PLEKHM1: variants seen among roughly 807,000 people sequenced by gnomAD.
PLEKHM1 encodes the protein pleckstrin homology and RUN domain containing M1.
A neutral mutation model predicts 94.3 loss-of-function variants in PLEKHM1; 28 were observed. The ratio of observed to expected loss-of-function variants is 0.30; its 90% CI spans 0.22 to 0.41. PLEKHM1 has a LOEUF of 0.41. Among genes scored for constraint, PLEKHM1 ranks in the 10% least tolerant of loss-of-function variants. The pLI, the probability that PLEKHM1 is intolerant of heterozygous loss-of-function variation, is 1.00. For missense variants in PLEKHM1, 907 were observed against 1,358.6 expected, an observed-to-expected ratio of 0.67 and a Z score of 5.22; for synonymous variants, 424 against 581.2, an observed-to-expected ratio of 0.73 and a Z score of 3.89.
chr17:45,458,404 G>A lies in PLEKHM1; in HGVS notation c.1344C>T (p.Tyr448=). The A allele has an allele frequency of 6.2e-7, 1 of 1,613,776 alleles. No homozygotes were observed. The highest frequency in any genetic ancestry group is 1.1e-5 in the South Asian group (1 of 91,072). The change falls in exon 6 of 12, where the codon TAC becomes TAT. Residue 448 remains tyrosine, a synonymous_variant. Coordinates refer to ENST00000430334, the MANE Select transcript of PLEKHM1 (RefSeq NM_014798.3). Reference sequence around the variant, plus strand: ...CCAGGGGTTGCTCCCGGGAAGGCCGGTAGAAGTCATCCTCTGAGATCCAGC... The same window carrying A: ...CCAGGGGTTGCTCCCGGGAAGGCCGATAGAAGTCATCCTCTGAGATCCAGC... ...NKSWISEDDF[Y]RPSREQPLES...
intron 3 of PLEKHM1, chr17:45,476,213 TA>T (rs2051731728): frequency 1.4e-5 from 2 of 148,082 alleles, no homozygotes; most frequent in South Asian, 4.2e-4. Flanking sequence ...TATATATATA[TA>T]TTTTGAGATT....
chr17:45,444,286 C>T lies in PLEKHM1; in HGVS notation c.2837+1184G>A, dbSNP rs928726998. On this transcript the variant is annotated intron_variant, in intron 9 of 11. Coordinates refer to ENST00000430334, the MANE Select transcript of PLEKHM1 (RefSeq NM_014798.3). This position sits in a 1 kb window ranked among gnomAD's most constrained non-coding sequence, Gnocchi z 5.0. Reference sequence around the variant, plus strand: ...GGCAGTAGGCACCGGCAGGCTTCTCCGCCTGAGGTCTGCCCTCCTGAGGGT... The same window carrying T: ...GGCAGTAGGCACCGGCAGGCTTCTCTGCCTGAGGTCTGCCCTCCTGAGGGT... 2.6e-4 allele frequency among the ~76,000 whole-genome samples: 39 copies of T among 152,200 alleles called. No homozygotes were observed. Among genetic ancestry groups the T allele is most frequent in the Admixed American group, 2.0e-4 (3 of 15,286 alleles).
chr17:45,475,572 G>T lies in PLEKHM1; in HGVS notation c.451C>A (p.Pro151Thr). 1 of 1,613,816 alleles carries T rather than the reference G, an allele frequency of 6.2e-7. No homozygotes were observed. The highest frequency in any genetic ancestry group is 1.7e-4 in the Middle Eastern group (1 of 6,054). ...TCAGCATCCCGGAGCAGGGCGGTGGGCTGGTAGTACTCATGCAAGCGGGCC... is the reference window on the plus strand; with the variant it reads ...TCAGCATCCCGGAGCAGGGCGGTGGTCTGGTAGTACTCATGCAAGCGGGCC... ...EQARLHEYYQ[P>T]TALLRDAEEG... The change falls in exon 4 of 12, where the codon CCC becomes ACC. Residue 151 changes from proline to threonine, a missense_variant. By Grantham distance (38) the Pro-to-Thr change is conservative. Transcript: ENST00000430334.
At position 45,445,225 on chromosome 17, in the gene PLEKHM1, G is replaced by A. The variant is rs1360962890; in HGVS notation, c.2837+245C>T. ...TCTCTGCCCAGGTTTCCTCCAGGTG[G>A]ACGCCTTGCCCTGGGCACTGCCCCT... is the stretch of plus-strand genomic sequence containing the variant. On this transcript the variant is annotated intron_variant, in intron 9 of 11. Transcript: ENST00000430334. This position sits in a 1 kb window ranked among gnomAD's most constrained non-coding sequence, Gnocchi z 4.2. Among the ~76,000 whole-genome samples the A allele has an allele frequency of 6.6e-6, 1 of 152,262 alleles. No homozygotes were observed. The highest frequency in any genetic ancestry group is 2.4e-5 in the African/African-American group (1 of 41,472).
rs1282474143 is a variant in PLEKHM1, at chr17:45,458,360, G to C, written c.1388C>G (p.Pro463Arg). 1 of 1,613,798 alleles carries C rather than the reference G, an allele frequency of 6.2e-7. No homozygotes were observed. The highest frequency in any genetic ancestry group is 8.5e-7 in the Non-Finnish European group (1 of 1,179,800). The part of the protein sequence containing the change: ...EQPLESASDH[P>R]IASYRGTPGS... ...TGGAGTCCCCCTGTAAGAAGCTATT[G>C]GGTGGTCTGAAGCACTCTCCAGGGG... is the stretch of plus-strand genomic sequence containing the variant. The change falls in exon 6 of 12, where the codon CCA becomes CGA. Residue 463 changes from proline to arginine, a missense_variant. This residue lies in a region of PLEKHM1 where 477 missense variants were observed against 601.5 expected (regional missense o/e 0.79). Coordinates refer to ENST00000430334, the MANE Select transcript of PLEKHM1 (RefSeq NM_014798.3).
chr17:45,447,236 CTT>C (rs1347420689), intron 8 of PLEKHM1, among the ~76,000 whole-genome samples: 9 of 152,202 alleles, frequency 5.9e-5, no homozygotes, highest in Admixed American at 2.6e-4. Context: ...CCTCTGACCT[CTT>C]GTCTCCCAGC....
chr17:45,483,771 C>T (rs545569663), intron 1 of PLEKHM1, among the ~76,000 whole-genome samples: 2 of 152,154 alleles, frequency 1.3e-5, no homozygotes, highest in South Asian at 4.2e-4. Flanking sequence ...TGGCAGCTGA[C>T]CCAGGTCAAG....
chr17:45,447,675 A>C (rs1268321843), intron 8 of PLEKHM1, among the ~76,000 whole-genome samples: 1 of 152,190 alleles, frequency 6.6e-6, no homozygotes, highest in Non-Finnish European at 1.5e-5. Context: ...TAAGGCCCCA[A>C]ACCCGTGGGC....
At chr17:45,467,470 G>C (rs1258408326) in intron 5 of PLEKHM1, among the ~76,000 whole-genome samples, 1 of 152,180 alleles carries the variant, frequency 6.6e-6, no homozygotes. Context: ...TCAAGGCCTA[G>C]TATTTTCTAA....
intron 8 of PLEKHM1, among the ~76,000 whole-genome samples, chr17:45,450,311 T>TTATG (rs2050741774): frequency 6.6e-6 from 1 of 152,234 alleles, no homozygotes; most frequent in East Asian, 1.9e-4. Context: ...CAAATCTATT[T>TTATG]TATCTATCTA....
intron 1 of PLEKHM1, among the ~76,000 whole-genome samples, chr17:45,486,586 T>TAAA (rs2052139119): frequency 2.7e-5 from 4 of 148,698 alleles, no homozygotes; most frequent in Non-Finnish European, 6.0e-5. Context: ...AAAAAAAAAT[T>TAAA]AATAATAATA....
intron 11 of PLEKHM1, among the ~76,000 whole-genome samples, chr17:45,438,297 G>A (rs1293064134): frequency 3.3e-5 from 5 of 152,128 alleles, no homozygotes; most frequent in African/African-American, 1.2e-4. Context: ...ACTTTGGGAG[G>A]CCGAGGTGGG....
intron 1 of PLEKHM1, among the ~76,000 whole-genome samples, chr17:45,486,726 A>G (rs952590554): frequency 2.6e-5 from 4 of 152,210 alleles, no homozygotes; most frequent in Admixed American, 6.5e-5. Context: ...AAAATTCACA[A>G]GACAGGACTG....
chr17:45,458,082 G>A (rs549583086), intron 6 of PLEKHM1, 87 bp downstream of exon 6: 4 of 1,026,924 alleles, frequency 3.9e-6, no homozygotes, highest in Non-Finnish European at 5.9e-6. Context: ...TACCCCTTTA[G>A]CAATGGAAAA....
chr17:45,445,552 C>T lies in PLEKHM1; in HGVS notation c.2755G>A (p.Gly919Arg), dbSNP rs2050579849. ...YEHVERMHLIGRRREQLKLLG... is the reference protein window; with the variant it reads ...YEHVERMHLIRRRREQLKLLG... ...AGCTTCAGCTGCTCCCGTCTCCTCC[C>T]AATGAGGTGCATCCGCTCCACATGC... Residue 919 changes from glycine (G) to arginine (R), a missense_variant, in exon 9 of 12, where the codon GGG becomes AGG. Coordinates refer to ENST00000430334, the MANE Select transcript of PLEKHM1 (RefSeq NM_014798.3). The surrounding 1 kb of genome is among the most constrained non-coding windows in gnomAD (Gnocchi z 4.2). 2 of 1,613,758 alleles carry T rather than the reference C, an allele frequency of 1.2e-6. No individual in the cohort carries two copies. Among genetic ancestry groups the T allele is most frequent in the Middle Eastern group, 3.3e-4 (2 of 6,078 alleles).
At position 45,468,390 on chromosome 17, in the gene PLEKHM1, G is replaced by A. The variant is rs1414621264; in HGVS notation, c.1127C>T (p.Pro376Leu). Residue 376 changes from proline (P) to leucine (L), a missense_variant, in exon 5 of 12, where the codon CCG (proline) becomes CTG (leucine). By Grantham distance (98) the Pro-to-Leu change is moderately conservative. Coordinates refer to ENST00000430334, the MANE Select transcript of PLEKHM1 (RefSeq NM_014798.3). ...CAGGGGGCTGGGCGCCTGGGGACGC[G>A]GCTCCTGCACGTGGACACCATCTTG... Reference protein sequence around the residue: ...GTQDGVHVQEPRPQAPSPLDL... With the variant: ...GTQDGVHVQELRPQAPSPLDL... 8 of 1,614,218 alleles carry A rather than the reference G, an allele frequency of 5.0e-6. No individual in the cohort carries two copies. Among genetic ancestry groups the A allele is most frequent in the South Asian group, 3.3e-5 (3 of 91,078 alleles).
chr17:45,452,745 T>C (rs1238789151), intron 7 of PLEKHM1: 1 of 164,364 alleles, frequency 6.1e-6, no homozygotes, highest in African/African-American at 2.4e-5. Context: ...ATATCCAGCA[T>C]TCAACACAGC....
At chr17:45,454,737 C>T in intron 6 of PLEKHM1, 3 of 270,758 alleles carry the variant, frequency 1.1e-5, no homozygotes, top group South Asian at 1.0e-4. Context: ...TGTCATTTCT[C>T]CCATCTTTAG....
rs777533233 is a variant in PLEKHM1 at position 45,475,206 on chromosome 17, G to A, written c.817C>T (p.Leu273Phe). The A allele has an allele frequency of 9.9e-6, 16 of 1,613,856 alleles. No individual in the cohort carries two copies. The Admixed American group carries it at 1.2e-4, about 12-fold the overall frequency. Residue 273 changes from leucine to phenylalanine, a missense_variant, in exon 4 of 12, where the codon CTC (leucine) becomes TTC (phenylalanine). Transcript: ENST00000430334. Reference sequence around the variant, plus strand: ...GGACTCTTGGAGCCATTCTCTTGGAGTAAGCAGCTATCAGAGTTTAGGCTG... The same window carrying A: ...GGACTCTTGGAGCCATTCTCTTGGAATAAGCAGCTATCAGAGTTTAGGCTG... The part of the protein sequence containing the change: ...SCSLNSDSCL[L>F]QENGSKSPDH...
Sources: gnomAD v4.1 joint callset for allele counts (sites outside exome capture counted in the v4.1 genomes callset) on GRCh38, gnomAD v4.1.1 for gene constraint, gnomAD v4.1.1 regional missense constraint, Gnocchi (gnomAD v3.1) non-coding constraint, MANE v1.5 for transcripts, NCBI Gene and HGNC (gene_info 2026-07-23, HGNC 2026-07-21) for gene names.